The following MAGI2 variants were observed in gnomAD, a reference collection of about 807,000 sequenced individuals.
The protein encoded by MAGI2 is membrane associated guanylate kinase, WW and PDZ domain containing 2.
In MAGI2, 35 loss-of-function variants were observed where a neutral mutation model predicts 133.3. The ratio of observed to expected loss-of-function variants is 0.26; its 90% CI spans 0.20 to 0.35. The LOEUF is 0.35. MAGI2 is among the 10% of genes least tolerant of loss of function. The probability of loss-of-function intolerance (pLI) is 1.00; values close to 1 mark genes in which losing one functional copy is unlikely to be tolerated. For missense variants in MAGI2, 1,636 were observed against 1,863.4 expected, an observed-to-expected ratio of 0.88 and a Z score of 2.25; for synonymous variants, 729 against 710.6, an observed-to-expected ratio of 1.03 and a Z score of -0.41.
chr7:78,787,155 C>T lies in MAGI2; in HGVS notation c.419-159916G>A, dbSNP rs551709004. On this transcript the variant is annotated intron_variant, in intron 2 of 21. Transcript: ENST00000354212. ...TAGAGAGGGGGTTTCACCATGTTGG[C>T]CAGGCTGGTCTCGATCTCCTGACCT... Among the ~76,000 whole-genome samples the T allele has an allele frequency of 2.9e-3, 446 of 152,138 alleles. 13 individuals are homozygous for T. The highest frequency in any genetic ancestry group is 3.6e-3 in the Non-Finnish European group (244 of 67,996).
intron 2 of MAGI2, among the ~76,000 whole-genome samples, chr7:78,762,418 G>A (rs1824604189): frequency 6.6e-6 from 1 of 151,894 alleles, no homozygotes; most frequent in African/African-American, 2.4e-5. Context: ...ACTCCAGCCT[G>A]GGCAACAGAG....
intron 9 of MAGI2, among the ~76,000 whole-genome samples, chr7:78,272,356 C>T (rs571737634): frequency 1.3e-5 from 2 of 152,238 alleles, no homozygotes; most frequent in Admixed American, 6.5e-5. Context: ...TGTTTTACTT[C>T]CAATTATGTG....
intron 20 of MAGI2, among the ~76,000 whole-genome samples, chr7:78,116,358 G>GT (rs1554456182): frequency 7.0e-6 from 1 of 143,250 alleles, no homozygotes; most frequent in Middle Eastern, 3.3e-3. Context: ...TCCAACTTAG[G>GT]AAAAAAAAAA....
intron 1 of MAGI2, among the ~76,000 whole-genome samples, chr7:79,075,563 C>T (rs1815388012): frequency 6.6e-6 from 1 of 152,078 alleles, no homozygotes; most frequent in South Asian, 2.1e-4. Context: ...GAGTTCAAGA[C>T]CAGCCTGGGC....
intron 2 of MAGI2, among the ~76,000 whole-genome samples, chr7:78,686,291 C>T (rs988196226): frequency 6.6e-6 from 1 of 152,062 alleles, no homozygotes; most frequent in Non-Finnish European, 1.5e-5. Context: ...GGAAAGGAAT[C>T]CACTGCCATG....
chr7:79,069,000 T>G (rs1170969620), intron 1 of MAGI2, among the ~76,000 whole-genome samples: 1 of 152,114 alleles, frequency 6.6e-6, no homozygotes, highest in South Asian at 2.1e-4. Flanking sequence ...AGTTTTTTTT[T>G]TTTTTACTTC....
At chr7:78,490,345 A>G (rs1166704406) in intron 5 of MAGI2, among the ~76,000 whole-genome samples, 1 of 152,114 alleles carries the variant, frequency 6.6e-6, no homozygotes, top group African/African-American at 2.4e-5. Context: ...TCAATAAGTG[A>G]TTAATAGCAA....
At chr7:78,069,529 GAA>G (rs61441738) in intron 21 of MAGI2, among the ~76,000 whole-genome samples, 4 of 126,066 alleles carry the variant, frequency 3.2e-5, no homozygotes, top group South Asian at 5.8e-4. Flanking sequence ...GAGATTGAAA[GAA>G]AGAGAGAGGA....
intron 10 of MAGI2, among the ~76,000 whole-genome samples, chr7:78,243,269 ACTCTCTCT>A (rs60322546): frequency 0.016 from 1,034 of 62,816 alleles, 16 homozygotes; most frequent in African/African-American, 0.05. Context: ...ACACACACAC[ACTCTCTCT>A]CTCTCTCTCT....
rs1818249797 is a variant in MAGI2 at position 78,703,150 on chromosome 7, C to A, written c.419-75911G>T. ...AGAAAATAAAGTTTAAAAAAAATCC[C>A]AGAGCCAAAGAAAATATTGAGTTAC... On this transcript the variant is annotated intron_variant, in intron 2 of 21. Coordinates refer to ENST00000354212, the MANE Select transcript of MAGI2 (RefSeq NM_012301.4). Among the ~76,000 whole-genome samples, 3 of 151,882 alleles carry A rather than the reference C, an allele frequency of 2.0e-5. No individual in the cohort carries two copies. The South Asian group carries it at 6.2e-4, about 32-fold the overall frequency.
chr7:79,315,584 A>G (rs1838658174), intron 1 of MAGI2, among the ~76,000 whole-genome samples: 1 of 152,142 alleles, frequency 6.6e-6, no homozygotes, highest in South Asian at 2.1e-4. Context: ...ACAAGTTCAA[A>G]TGATATGACA....
At chr7:78,669,419 G>T (rs570445217) in intron 2 of MAGI2, among the ~76,000 whole-genome samples, 5 of 151,624 alleles carry the variant, frequency 3.3e-5, no homozygotes, top group Admixed American at 2.6e-4. Context: ...TGAAATTGTG[G>T]CAATAATCAA....
At position 79,416,725 on chromosome 7, in the gene MAGI2, C is replaced by CTTTTTTTTTTTTTTTTTTTTTTTTTT. The variant is rs1176426138; in HGVS notation, c.301+36294_301+36295insAAAAAAAAAAAAAAAAAAAAAAAAAA. 4.8e-4 allele frequency among the ~76,000 whole-genome samples: 49 copies of CTTTTTTTTTTTTTTTTTTTTTTTTTT among 102,458 alleles called. 8 individuals are homozygous for CTTTTTTTTTTTTTTTTTTTTTTTTTT. The highest frequency in any genetic ancestry group is 1.8e-3 in the African/African-American group (44 of 24,044). 67.2% of individuals were successfully genotyped at this position (102,458 alleles called of 152,430 possible). A position where few individuals can be genotyped will look rare whatever the true frequency, so the allele number is the denominator to read the frequency against. On this transcript the variant is annotated intron_variant, in intron 1 of 21. Transcript: ENST00000354212. ...TTCTTTTTTCTTTTCTTTTCTTTTT[C>CTTTTTTTTTTTTTTTTTTTTTTTTTT]TTTTTCTTTTTTTTTTTTTGAGGTG...
chr7:79,013,664 C>T (rs538423778), intron 1 of MAGI2, among the ~76,000 whole-genome samples: 258 of 152,258 alleles, frequency 1.7e-3, no homozygotes, highest in African/African-American at 5.8e-3. Context: ...GAACAGCCTC[C>T]ATTCCCTTTT....
At chr7:78,907,028 T>C (rs900624472) in intron 2 of MAGI2, among the ~76,000 whole-genome samples, 22 of 152,236 alleles carry the variant, frequency 1.4e-4, no homozygotes, top group Admixed American at 8.5e-4. Flanking sequence ...GTGTATGCAT[T>C]TGAGAAATCA....
intron 1 of MAGI2, among the ~76,000 whole-genome samples, chr7:79,272,994 ATT>A (rs1834984606): frequency 6.6e-6 from 1 of 152,086 alleles, no homozygotes; most frequent in African/African-American, 2.4e-5. Context: ...TGGTCTCTCT[ATT>A]AAAGTTCTTT....
At chr7:78,730,908 A>C (rs2151224620) in intron 2 of MAGI2, among the ~76,000 whole-genome samples, 1 of 152,238 alleles carries the variant, frequency 6.6e-6, no homozygotes, top group South Asian at 2.1e-4. Flanking sequence ...GAACAGCCAA[A>C]ACTTTGAGGT....
rs975172192 is a variant in MAGI2 at position 78,291,848 on chromosome 7, T to A, written c.1409-35267A>T. Among the ~76,000 whole-genome samples the A allele has an allele frequency of 3.8e-5, 3 of 79,570 alleles. No homozygotes were observed. In the East Asian group the frequency reaches 1.2e-3, roughly 32 times the overall value. 52.2% of individuals were successfully genotyped at this position (79,570 alleles called of 152,430 possible). ...GACAAAAACCATACGATTATCTCAA[T>A]AGATGCGGAAAAGGCCTTCAACAAA... On this transcript the variant is annotated intron_variant, in intron 9 of 21. Transcript: ENST00000354212.
intron 1 of MAGI2, among the ~76,000 whole-genome samples, chr7:79,095,286 A>G (rs956320540): frequency 6.6e-6 from 1 of 152,156 alleles, no homozygotes; most frequent in Non-Finnish European, 1.5e-5. Context: ...TTGTTTGACA[A>G]TCTGTCCAGA....
Sources: gnomAD v4.1 joint callset for allele counts (sites outside exome capture counted in the v4.1 genomes callset) on GRCh38, gnomAD v4.1.1 for gene constraint, MANE v1.5 for transcripts, NCBI Gene and HGNC (gene_info 2026-07-23, HGNC 2026-07-21) for gene names.